Variants in EXOC7 observed in about 807,000 individuals in gnomAD.
EXOC7 encodes exocyst complex component Exo70.
A neutral mutation model predicts 87.6 loss-of-function variants in EXOC7; 51 were observed. The observed-to-expected ratio is 0.58, with a 90% CI of 0.46 to 0.73. The LOEUF is 0.73. Among genes scored for constraint, EXOC7 ranks in the 30% least tolerant of loss-of-function variants. The pLI, the probability that EXOC7 is intolerant of heterozygous loss-of-function variation, is 0.00. For synonymous variants in EXOC7, 327 were observed against 357.1 expected (o/e 0.92, Z 0.95); for missense variants, 744 against 888.4 (o/e 0.84, Z 2.07).
At chr17:76,088,629 G>A in intron 9 of EXOC7, 67 bp from the exon 10 acceptor site, 3 of 1,593,932 alleles carry the variant, frequency 1.9e-6, no homozygotes, top group Non-Finnish European at 2.6e-6. Flanking sequence ...CTCACCCAGG[G>A]CCCTTCCTAA....
At chr17:76,096,847 C>T (rs766817896) in intron 5 of EXOC7, among the ~76,000 whole-genome samples, 1 of 152,106 alleles carries the variant, frequency 6.6e-6, no homozygotes, top group Non-Finnish European at 1.5e-5. Context: ...TGAGCCACTG[C>T]ACCTGGCCTT....
Position 76,083,626 on chromosome 17 carries a change from C to CCAGGCAGGGCTAGCAGCAGGCT in EXOC7, c.2055_*21dup. 6.2e-7 allele frequency: 1 copy of CCAGGCAGGGCTAGCAGCAGGCT among 1,612,024 alleles called. No individual in the cohort carries two copies. The highest frequency in any genetic ancestry group is 8.5e-7 in the Non-Finnish European group (1 of 1,178,344). ...CCAATGACACGCCAGTCTGGTGGAA[C>CCAGGCAGGGCTAGCAGCAGGCT]CAGGCAGGGCTAGCAGCAGGCTCAG... On this transcript the variant is annotated 3_prime_UTR_variant, in exon 19 of 19. Transcript: ENST00000589210.
intron 14 of EXOC7, 41 bp downstream of exon 14, chr17:76,085,636 G>T: frequency 6.2e-7 from 1 of 1,613,744 alleles, no homozygotes; most frequent in Non-Finnish European, 8.5e-7. Context: ...ACAGCCGAGG[G>T]GAAGGTGAGA....
chr17:76,101,086 GA>G (rs1363245517), intron 4 of EXOC7, 184 bp downstream of exon 4: 2 of 1,153,454 alleles, frequency 1.7e-6, no homozygotes, highest in African/African-American at 3.2e-5. Context: ...TTATAATAAA[GA>G]ATTTTTAATA....
chr17:76,101,602 T>C (rs901610668), intron 3 of EXOC7, 77 bp downstream of exon 3: 1 of 1,501,288 alleles, frequency 6.7e-7, no homozygotes. Flanking sequence ...GCCTCCCAAA[T>C]TGTTGGGATT....
Position 76,081,968 on chromosome 17 carries a change from C to G in EXOC7, c.*1680G>C. 1 of 1,612,806 alleles carries G rather than the reference C, an allele frequency of 6.2e-7. No individual in the cohort carries two copies. The highest frequency in any genetic ancestry group is 8.5e-7 in the Non-Finnish European group (1 of 1,179,848). On this transcript the variant is annotated 3_prime_UTR_variant, in exon 19 of 19. Transcript: ENST00000589210. ...GGCTGGGCTGCTGGCCCGGGGCAAC[C>G]TTGGGGCCAAGAGCGGCCCCAGCCC...
rs781531152 is a variant in EXOC7 at position 76,088,473 on chromosome 17, G to A, written c.1290C>T (p.Asp430=). The change falls in exon 10 of 19, where the codon GAC becomes GAT. Residue 430 remains aspartate, a synonymous_variant. Transcript: ENST00000589210. ...IGAKALEDFA[D]NIKNDPDKEY... ...GGAGGACAGCAGGGACCTTGATGTTGTCTGCGAAGTCCTCCAGCGCTTTGG... is the reference window on the plus strand; with the variant it reads ...GGAGGACAGCAGGGACCTTGATGTTATCTGCGAAGTCCTCCAGCGCTTTGG... The A allele has an allele frequency of 1.2e-6, 2 of 1,613,832 alleles. No individual in the cohort carries two copies. Among genetic ancestry groups the A allele is most frequent in the Non-Finnish European group, 1.7e-6 (2 of 1,179,872 alleles).
At chr17:76,099,994 T>TGAGGTG (rs2067980050) in intron 4 of EXOC7, among the ~76,000 whole-genome samples, 1 of 152,068 alleles carries the variant, frequency 6.6e-6, no homozygotes, top group Admixed American at 6.6e-5. Flanking sequence ...CCCAGCTACT[T>TGAGGTG]GGAAGGCTGA....
rs2066950156 is a variant in EXOC7 at position 76,081,067 on chromosome 17, C to A, written c.*2581G>T. ...TTACAATGAAAGCTCATCTATGAAT[C>A]TGATAAAGGCCTTCCTTCAACTGGA... is the stretch of plus-strand genomic sequence containing the variant. On this transcript the variant is annotated 3_prime_UTR_variant, in exon 19 of 19. Transcript: ENST00000589210. 3 of 576,004 alleles carry A rather than the reference C, an allele frequency of 5.2e-6. No individual in the cohort carries two copies. The highest frequency in any genetic ancestry group is 9.3e-6 in the Non-Finnish European group (3 of 323,128). The allele number at this position is 576,004 out of a possible 1,614,324, so 35.7% of individuals were successfully genotyped here.
chr17:76,090,432 G>C (rs765138832), intron 7 of EXOC7: 1 of 1,551,740 alleles, frequency 6.4e-7, no homozygotes, highest in African/African-American at 1.4e-5. Context: ...CACAAGCAGC[G>C]TTTATCCAGG....
Position 76,103,646 on chromosome 17 carries a change from T to C in EXOC7, c.47A>G (p.Asp16Gly), listed in dbSNP as rs1332216023. The C allele has an allele frequency of 6.2e-7, 1 of 1,613,474 alleles. No individual in the cohort carries two copies. Among genetic ancestry groups the C allele is most frequent in the East Asian group, 2.2e-5 (1 of 44,798 alleles). ...GCCCACGCCCACCTGCTTCAGCTTG[T>C]CCTCAATCTCCCGCCGTCGAGCGGA... The part of the protein sequence containing the change: ...EASARRREIE[D>G]KLKQEEETLS... The change falls in exon 1 of 19, where the codon GAC becomes GGC. Residue 16 changes from aspartate to glycine, a missense_variant. Around this residue, in one of 3 missense-constraint regions of EXOC7, gnomAD observed 512 missense variants for 573.0 expected, o/e 0.89. Coordinates refer to ENST00000589210, the MANE Select transcript of EXOC7 (RefSeq NM_001013839.4).
Position 76,101,377 on chromosome 17 carries a change from C to T in EXOC7, c.312-1G>A. 1 of 1,613,858 alleles carries T rather than the reference C, an allele frequency of 6.2e-7. No homozygotes were observed. Among genetic ancestry groups the T allele is most frequent in the Non-Finnish European group, 8.5e-7 (1 of 1,179,908 alleles). ...GTACTCTTCCAGCCTACCTGTGGGG[C>T]TGGGAAAGAAAAGAGCCAGGTCAGG... On this transcript the variant is annotated splice_acceptor_variant, in intron 3 of 18. Coordinates refer to ENST00000589210, the MANE Select transcript of EXOC7 (RefSeq NM_001013839.4). LOFTEE classifies it high-confidence loss of function.
At chr17:76,088,179 A>T (rs2067299508) in intron 10 of EXOC7, 57 bp from the exon 11 acceptor site, 2 of 1,556,514 alleles carry the variant, frequency 1.3e-6, no homozygotes, top group African/African-American at 2.7e-5. Flanking sequence ...CCCATGCCCC[A>T]GTGCACCTGC....
At chr17:76,084,969 C>T in intron 15 of EXOC7, 1 of 450,442 alleles carries the variant, frequency 2.2e-6, no homozygotes, top group South Asian at 2.7e-5. Context: ...GCAGCGGGAT[C>T]CTCACAGAGC....
At chr17:76,095,294 G>C (rs1402859125) in intron 5 of EXOC7, among the ~76,000 whole-genome samples, 1 of 142,602 alleles carries the variant, frequency 7.0e-6, no homozygotes. Context: ...TTGAGACAGA[G>C]TTTCATTCTT....
At chr17:76,094,864 G>C (rs1359647368) in intron 5 of EXOC7, among the ~76,000 whole-genome samples, 1 of 151,686 alleles carries the variant, frequency 6.6e-6, no homozygotes, top group Non-Finnish European at 1.5e-5. Flanking sequence ...GACCACTTCA[G>C]CCTCCCAGAG....
At chr17:76,094,748 C>CTTT (rs35625794) in intron 5 of EXOC7, among the ~76,000 whole-genome samples, 167 bp from the exon 6 acceptor site, 25 of 143,842 alleles carry the variant, frequency 1.7e-4, no homozygotes, top group Non-Finnish European at 3.3e-4. Flanking sequence ...CTTTCAAAGT[C>CTTT]TTTTTTTTTT....
chr17:76,083,776 C>T (rs766722124), intron 18 of EXOC7, 26 bp from the exon 19 acceptor site: 3 of 1,603,406 alleles, frequency 1.9e-6, no homozygotes, highest in East Asian at 2.2e-5. Flanking sequence ...GGTCAGGGGA[C>T]AGGGAGGGCC....
At chr17:76,091,096 C>G in intron 7 of EXOC7, 47 bp downstream of exon 7, 1 of 1,540,720 alleles carries the variant, frequency 6.5e-7, no homozygotes, top group Non-Finnish European at 9.0e-7. Flanking sequence ...AGTGCGTGGA[C>G]ACACAGTGGA....
Sources: gnomAD v4.1 joint callset for allele counts (sites outside exome capture counted in the v4.1 genomes callset) on GRCh38, gnomAD v4.1.1 for gene constraint, gnomAD v4.1.1 regional missense constraint, MANE v1.5 for transcripts, NCBI Gene and HGNC (gene_info 2026-07-23, HGNC 2026-07-21) for gene names.